Variants in LOX observed in about 807,000 individuals in gnomAD.
LOX encodes the protein lysyl oxidase, also known as protein-lysine 6-oxidase.
Under a neutral mutation model 50.5 loss-of-function variants are expected in LOX, and 12 were observed. That is an observed-to-expected ratio of 0.24 (90% CI 0.15 to 0.38). The LOEUF (loss-of-function observed/expected upper bound fraction) is 0.38. Ranked by LOEUF, LOX falls within the 10% of genes least tolerant of loss-of-function variation. The pLI, the probability that LOX is intolerant of heterozygous loss-of-function variation, is 1.00. For missense variants in LOX, 504 were observed against 563.8 expected (o/e 0.89, Z 1.07); for synonymous variants, 254 against 230.6 (o/e 1.10, Z -0.92).
Position 122,077,998 on chromosome 5 carries a change from C to A in LOX, c.-13G>T. ...AGGCGAAGCGCATCACTCCTTTTGC[C>A]AGATTGACCCCGCTCGAGGAGGACG... On this transcript the variant is annotated 5_prime_UTR_variant, in exon 1 of 7. Coordinates refer to ENST00000231004, the MANE Select transcript of LOX (RefSeq NM_002317.7). The surrounding 1 kb of genome is among the most constrained non-coding windows in gnomAD (Gnocchi z 4.9). 1.4e-6 allele frequency: 2 copies of A among 1,442,184 alleles called. No homozygotes were observed. Among genetic ancestry groups the A allele is most frequent in the South Asian group, 3.2e-5 (2 of 62,698 alleles). The allele number at this position is 1,442,184 out of a possible 1,614,324, so 89.3% of individuals were successfully genotyped here. A position where few individuals can be genotyped will look rare whatever the true frequency, so the allele number is the denominator to read the frequency against.
Position 122,077,583 on chromosome 5 carries a change from G to A in LOX, c.403C>T (p.Arg135Cys). ...FQAGYSTSRA[R>C]EAGASRAENQ... The stretch of plus-strand genomic sequence containing the variant: ...TCCGCGCGCGAGGCGCCAGCTTCGC[G>A]GGCTCTAGATGTCGAGTAGCCAGCT... The change falls in exon 1 of 7, where the codon CGC becomes TGC. Residue 135 changes from arginine to cysteine, a missense_variant. This residue lies in a region of LOX where 398 missense variants were observed against 365.8 expected (regional missense o/e 1.09). Transcript: ENST00000231004. This position sits in a 1 kb window ranked among gnomAD's most constrained non-coding sequence, Gnocchi z 4.9. 1.2e-6 allele frequency: 2 copies of A among 1,612,730 alleles called. No individual in the cohort carries two copies. Among genetic ancestry groups the A allele is most frequent in the Non-Finnish European group, 1.7e-6 (2 of 1,179,812 alleles).
chr5:122,076,422 C>G (rs1754635585), intron 2 of LOX, among the ~76,000 whole-genome samples: 1 of 152,114 alleles, frequency 6.6e-6, no homozygotes, highest in South Asian at 2.1e-4. Context: ...TGAAGTAATA[C>G]CAAAACAACC....
chr5:122,075,546 G>A lies in LOX; in HGVS notation c.741-5C>T. 6.4e-7 allele frequency: 1 copy of A among 1,553,320 alleles called. No homozygotes were observed. The highest frequency in any genetic ancestry group is 8.7e-7 in the Non-Finnish European group (1 of 1,155,800). ...ACATCTGCCCTGTATGCTGTACTGT[G>A]ATTTTGAAAAAAGAAAAATTATTAT... On this transcript the variant is annotated splice_region_variant and splice_polypyrimidine_tract_variant and intron_variant, in intron 2 of 6. Transcript: ENST00000231004.
At chr5:122,070,253 A>G (rs1198983014) in intron 5 of LOX, 85 bp from the exon 6 acceptor site, 1 of 814,138 alleles carries the variant, frequency 1.2e-6, no homozygotes, top group East Asian at 2.4e-5. Context: ...AGCTAAATCA[A>G]GCAGGGAAGG....
At chr5:122,075,595 C>CAA in intron 2 of LOX, 54 bp from the exon 3 acceptor site, 1 of 1,207,192 alleles carries the variant, frequency 8.3e-7, no homozygotes, top group Non-Finnish European at 1.2e-6. Context: ...TAACTAAAGA[C>CAA]AAAACTACAA....
In LOX at chr5:122,077,814, G is replaced by A. The variant is rs955558761; in HGVS notation, c.172C>T (p.Leu58=). The change falls in exon 1 of 7, where the codon CTG becomes TTG. Residue 58 remains leucine (L), a synonymous_variant. Transcript: ENST00000231004. This position sits in a 1 kb window ranked among gnomAD's most constrained non-coding sequence, Gnocchi z 4.9. ...GGCTGGTACTGTGAGCCCAGGCTCA[G>A]CAAGCTGAACACCTGCCCGTTGTTC... is the stretch of plus-strand genomic sequence containing the variant. ...WENNGQVFSL[L]SLGSQYQPQR... 2.3e-5 allele frequency: 35 copies of A among 1,551,408 alleles called. No homozygotes were observed. The highest frequency in any genetic ancestry group is 2.7e-5 in the African/African-American group (2 of 72,814).
Position 122,077,759 on chromosome 5 carries a change from A to G in LOX, c.227T>C (p.Val76Ala), listed in dbSNP as rs1198210031. The change falls in exon 1 of 7, where the codon GTC becomes GCC. Residue 76 changes from valine to alanine, a missense_variant. Transcript: ENST00000231004. This position sits in a 1 kb window ranked among gnomAD's most constrained non-coding sequence, Gnocchi z 4.9. ...GGCGGAGGCGTTGGCTGCACCAGGGACGGCGGCGCCCGGGTCCCGGCGGCG... is the reference window on the plus strand; with the variant it reads ...GGCGGAGGCGTTGGCTGCACCAGGGGCGGCGGCGCCCGGGTCCCGGCGGCG... Reference protein sequence around the residue: ...PQRRRDPGAAVPGAANASAQQ... With the variant: ...PQRRRDPGAAAPGAANASAQQ... 6.4e-7 allele frequency: 1 copy of G among 1,554,876 alleles called. No homozygotes were observed. Among genetic ancestry groups the G allele is most frequent in the East Asian group, 2.4e-5 (1 of 41,876 alleles).
intron 6 of LOX, among the ~76,000 whole-genome samples, chr5:122,067,026 C>CTGG (rs1754318995): frequency 6.6e-6 from 1 of 152,110 alleles, no homozygotes; most frequent in African/African-American, 2.4e-5. Flanking sequence ...AGCAGGACTT[C>CTGG]TGGGACCAGC....
At chr5:122,073,135 C>T (rs1346503891) in intron 4 of LOX, among the ~76,000 whole-genome samples, 3 of 152,188 alleles carry the variant, frequency 2.0e-5, no homozygotes, top group Admixed American at 2.0e-4. Context: ...TCCCAAGATG[C>T]CAACTGCTGA....
rs1754405507 is a variant in LOX at position 122,070,054 on chromosome 5, G to T, written c.1246C>A (p.Pro416Thr). 1 of 1,602,110 alleles carries T rather than the reference G, an allele frequency of 6.2e-7. No homozygotes were observed. Among genetic ancestry groups the T allele is most frequent in the Non-Finnish European group, 8.6e-7 (1 of 1,169,394 alleles). ...HAYASGCTIS[P>T]Y is the part of the protein sequence containing the mutation. The stretch of plus-strand genomic sequence containing the variant: ...CTTAGCTAAGCAAATAACACTTACG[G>T]TGAAATTGTGCAGCCTGAGGCATAC... Residue 416 changes from proline (P) to threonine (T), a missense_variant and splice_region_variant, in exon 6 of 7, where the codon CCG becomes ACG. Physicochemically the swap from Pro to Thr is conservative, Grantham distance 38. This residue lies in a region of LOX where 106 missense variants were observed against 198.1 expected (regional missense o/e 0.54). Coordinates refer to ENST00000231004, the MANE Select transcript of LOX (RefSeq NM_002317.7).
rs1313627842 is a variant in LOX at position 122,074,169 on chromosome 5, T to C, written c.879A>G (p.Gln293=). The C allele has an allele frequency of 6.2e-7, 1 of 1,610,338 alleles. No homozygotes were observed. Among genetic ancestry groups the C allele is most frequent in the Non-Finnish European group, 8.5e-7 (1 of 1,176,924 alleles). ...TAAACTCATCCATACTGTGGTAATGTCTGATGTCCCACAAAACAAAAAGAT... is the reference window on the plus strand; with the variant it reads ...TAAACTCATCCATACTGTGGTAATGCCTGATGTCCCACAAAACAAAAAGAT... The part of the protein sequence containing the change: ...RYSWEWHSCH[Q]HYHSMDEFSH... The change falls in exon 4 of 7, where the codon CAA becomes CAG. Residue 293 remains glutamine (Q), a splice_region_variant and synonymous_variant. Transcript: ENST00000231004.
chr5:122,066,272 T>C lies in LOX; in HGVS notation c.*471A>G, dbSNP rs150019821. The C allele has an allele frequency of 1.0e-3, 157 of 154,164 alleles. No individual in the cohort carries two copies. The highest frequency in any genetic ancestry group is 2.0e-3 in the Non-Finnish European group (139 of 69,210). 9.5% of individuals were successfully genotyped at this position (154,164 alleles called of 1,614,324 possible). A position where few individuals can be genotyped will look rare whatever the true frequency, so the allele number is the denominator to read the frequency against. Reference sequence around the variant, plus strand: ...TTTCTCAGCACCAGATGTGTCCATATGTATTTAAACAGTAGGAGCATTGTT... The same window carrying C: ...TTTCTCAGCACCAGATGTGTCCATACGTATTTAAACAGTAGGAGCATTGTT... On this transcript the variant is annotated 3_prime_UTR_variant, in exon 7 of 7. Coordinates refer to ENST00000231004, the MANE Select transcript of LOX (RefSeq NM_002317.7).
rs1754265030 is a variant in LOX at position 122,065,105 on chromosome 5, A to T, written c.*1638T>A. 6.6e-6 allele frequency: 1 copy of T among 152,084 alleles called. No individual in the cohort carries two copies. The highest frequency in any genetic ancestry group is 6.6e-5 in the Admixed American group (1 of 15,256). 9.4% of individuals were successfully genotyped at this position (152,084 alleles called of 1,614,324 possible). On this transcript the variant is annotated 3_prime_UTR_variant, in exon 7 of 7. Coordinates refer to ENST00000231004, the MANE Select transcript of LOX (RefSeq NM_002317.7). ...CATAGCTCAGTTACAGCTCAACAAAAGCTCTGTCTGTATTGTCTACTGGTA... is the reference window on the plus strand; with the variant it reads ...CATAGCTCAGTTACAGCTCAACAAATGCTCTGTCTGTATTGTCTACTGGTA...
chr5:122,074,647 T>G (rs1754562911), intron 3 of LOX, among the ~76,000 whole-genome samples: 1 of 152,340 alleles, frequency 6.6e-6, no homozygotes, highest in East Asian at 1.9e-4. Context: ...GCATGTTTTA[T>G]CCACCATTAT....
intron 4 of LOX, among the ~76,000 whole-genome samples, chr5:122,072,666 A>G (rs1754483778): frequency 6.6e-6 from 1 of 152,226 alleles, no homozygotes; most frequent in Admixed American, 6.5e-5. Flanking sequence ...ACATTGATCT[A>G]ATGAAAAAAA....
At position 122,078,054 on chromosome 5, in the gene LOX, A is replaced by C. The variant is rs1406243974; in HGVS notation, c.-69T>G. 2 of 1,365,992 alleles carry C rather than the reference A, an allele frequency of 1.5e-6. No individual in the cohort carries two copies. Among genetic ancestry groups the C allele is most frequent in the East Asian group, 2.8e-5 (1 of 35,634 alleles). The allele number at this position is 1,365,992 out of a possible 1,614,324, so 84.6% of individuals were successfully genotyped here. A position where few individuals can be genotyped will look rare whatever the true frequency, so the allele number is the denominator to read the frequency against. On this transcript the variant is annotated 5_prime_UTR_variant, in exon 1 of 7. Coordinates refer to ENST00000231004, the MANE Select transcript of LOX (RefSeq NM_002317.7). ...CACAGAAAATAAAAACGGGGCTCAA[A>C]TCACGTGAGGGAAGGAGAAATCTTC...
Position 122,063,855 on chromosome 5 carries a change from A to G in LOX, c.*2888T>C, listed in dbSNP as rs1754230228. The G allele has an allele frequency of 6.6e-6, 1 of 151,926 alleles. No homozygotes were observed. Among genetic ancestry groups the G allele is most frequent in the South Asian group, 2.1e-4 (1 of 4,828 alleles). The allele number at this position is 151,926 out of a possible 1,614,324, so 9.4% of individuals were successfully genotyped here. A position where few individuals can be genotyped will look rare whatever the true frequency, so the allele number is the denominator to read the frequency against. On this transcript the variant is annotated 3_prime_UTR_variant, in exon 7 of 7. Transcript: ENST00000231004. ...GAATGTTTATAAGTGTGACTATCCT[A>G]TGAGATTTCAAAGAGAAAAAAAGTA... is the stretch of plus-strand genomic sequence containing the variant.
At position 122,074,125 on chromosome 5, in the gene LOX, T is replaced by A. The variant is rs1212480895; in HGVS notation, c.923A>T (p.Asp308Val). The A allele has an allele frequency of 4.3e-6, 7 of 1,614,162 alleles. No individual in the cohort carries two copies. Among genetic ancestry groups the A allele is most frequent in the South Asian group, 1.1e-5 (1 of 91,074 alleles). ...AGCCACTCTCCTCTGGGTGTTGGCA[T>A]CAAGCAGGTCATAGTGGCTAAACTC... ...MDEFSHYDLLDANTQRRVAEG... is the reference protein window; with the variant it reads ...MDEFSHYDLLVANTQRRVAEG... Residue 308 changes from aspartate to valine, a missense_variant, in exon 4 of 7, where the codon GAT (aspartate) becomes GTT (valine). Asp to Val is a radical substitution (Grantham distance 152). This residue lies in a region of LOX where 106 missense variants were observed against 198.1 expected (regional missense o/e 0.54). Coordinates refer to ENST00000231004, the MANE Select transcript of LOX (RefSeq NM_002317.7).
chr5:122,068,998 G>C (rs1166219155), intron 6 of LOX, among the ~76,000 whole-genome samples: 1 of 152,066 alleles, frequency 6.6e-6, no homozygotes, highest in Non-Finnish European at 1.5e-5. Flanking sequence ...AAACCTGCCA[G>C]GTTTTCTGTG....
Sources: gnomAD v4.1 joint callset for allele counts (sites outside exome capture counted in the v4.1 genomes callset) on GRCh38, gnomAD v4.1.1 for gene constraint, gnomAD v4.1.1 regional missense constraint, Gnocchi (gnomAD v3.1) non-coding constraint, MANE v1.5 for transcripts, NCBI Gene and HGNC (gene_info 2026-07-23, HGNC 2026-07-21) for gene names.